DRC1: variants seen among roughly 807,000 people sequenced by gnomAD.
The protein encoded by DRC1 is dynein regulatory complex subunit 1.
DRC1 carries 74 observed loss-of-function variants against 98.7 expected under a neutral mutation model. That is an observed-to-expected ratio of 0.75 (90% CI 0.62 to 0.91). DRC1 has a LOEUF of 0.91. Ranked by LOEUF, DRC1 falls within the 40% of genes least tolerant of loss-of-function variation. DRC1 has a pLI of 0.00. For synonymous variants in DRC1, 336 were observed against 334.1 expected (o/e 1.01, Z -0.06); for missense variants, 875 against 886.0 (o/e 0.99, Z 0.16).
intron 4 of DRC1, among the ~76,000 whole-genome samples, chr2:26,426,607 C>A (rs1663291262): frequency 6.6e-6 from 1 of 151,904 alleles, no homozygotes; most frequent in African/African-American, 2.4e-5. Context: ...CCTCAGGTGA[C>A]CCACCTACCT....
chr2:26,431,577 C>T (rs944659784), intron 6 of DRC1, among the ~76,000 whole-genome samples: 1 of 152,044 alleles, frequency 6.6e-6, no homozygotes, highest in Admixed American at 6.5e-5. Context: ...GAAATATAAA[C>T]ATCTGATTTC....
Position 26,402,064 on chromosome 2 carries a change from C to T in DRC1, c.75C>T (p.Pro25=). ...ACTTGTCCACCCAGATTCTCGCGCC[C>T]TCGGTCCACTCCGACAACTCTCAGG... ...DEHLSTQILA[P]SVHSDNSQER... is the part of the protein sequence containing the mutation. Residue 25 remains proline, a synonymous_variant, in exon 1 of 17, where the codon CCC becomes CCT. Coordinates refer to ENST00000288710, the MANE Select transcript of DRC1 (RefSeq NM_145038.5). The T allele has an allele frequency of 6.2e-7, 1 of 1,613,422 alleles. No homozygotes were observed. The highest frequency in any genetic ancestry group is 8.5e-7 in the Non-Finnish European group (1 of 1,179,834).
chr2:26,417,420 C>A (rs1046642046), intron 2 of DRC1, among the ~76,000 whole-genome samples: 5 of 152,046 alleles, frequency 3.3e-5, no homozygotes, highest in Admixed American at 1.3e-4. Context: ...CCGCCGCCTC[C>A]TGGGTTCAAG....
At chr2:26,448,300 A>G (rs1263865826) in intron 10 of DRC1, 2 of 476,476 alleles carry the variant, frequency 4.2e-6, no homozygotes, top group Non-Finnish European at 8.7e-6. Flanking sequence ...CTTCTGTCTA[A>G]TCTGTTGCAG....
At chr2:26,437,623 T>C (rs1448615343) in intron 7 of DRC1, among the ~76,000 whole-genome samples, 1 of 152,086 alleles carries the variant, frequency 6.6e-6, no homozygotes, top group African/African-American at 2.4e-5. Flanking sequence ...GAATCTACCA[T>C]AAGGAAATAA....
intron 1 of DRC1, among the ~76,000 whole-genome samples, chr2:26,412,457 T>G (rs1436404674): frequency 6.6e-6 from 1 of 152,190 alleles, no homozygotes; most frequent in Non-Finnish European, 1.5e-5. Flanking sequence ...GTAGCCCTTA[T>G]GGACACTGTG....
chr2:26,403,016 G>A (rs1315131056), intron 1 of DRC1, among the ~76,000 whole-genome samples: 1 of 152,144 alleles, frequency 6.6e-6, no homozygotes, highest in African/African-American at 2.4e-5. Context: ...TAAACAAATG[G>A]GCATGACTGT....
chr2:26,413,285 G>A (rs1678680842), intron 1 of DRC1, among the ~76,000 whole-genome samples: 1 of 152,098 alleles, frequency 6.6e-6, no homozygotes, highest in East Asian at 1.9e-4. Context: ...ATGGTCTTAC[G>A]AGTATTGTCA....
intron 2 of DRC1, among the ~76,000 whole-genome samples, chr2:26,414,739 A>G (rs1213541171): frequency 6.6e-6 from 1 of 152,114 alleles, no homozygotes; most frequent in African/African-American, 2.4e-5. Context: ...CTTTCCAAAC[A>G]TATCTCCTGT....
intron 12 of DRC1, 51 bp from the exon 13 acceptor site, chr2:26,450,541 C>T (rs1663974260): frequency 1.9e-6 from 3 of 1,552,144 alleles, no homozygotes; most frequent in Non-Finnish European, 1.8e-6. Flanking sequence ...CTGCCCAAGC[C>T]CGTGGCCTCT....
At position 26,454,142 on chromosome 2, in the gene DRC1, G is replaced by A. The variant is rs1664080020; in HGVS notation, c.1920-505G>A. ...GATCTTTGTCTTTACCCGTTGGTGGGTGGGAGCCAGAAAAGGATTTGAAGC... is the reference window on the plus strand; with the variant it reads ...GATCTTTGTCTTTACCCGTTGGTGGATGGGAGCCAGAAAAGGATTTGAAGC... On this transcript the variant is annotated intron_variant, in intron 14 of 16. Transcript: ENST00000288710. This position sits in a 1 kb window ranked among gnomAD's most constrained non-coding sequence, Gnocchi z 5.2. Among the ~76,000 whole-genome samples the A allele has an allele frequency of 6.6e-6, 1 of 152,184 alleles. No homozygotes were observed. Among genetic ancestry groups the A allele is most frequent in the African/African-American group, 2.4e-5 (1 of 41,428 alleles).
intron 1 of DRC1, among the ~76,000 whole-genome samples, chr2:26,406,575 G>T (rs1357221385): frequency 6.6e-6 from 1 of 152,066 alleles, no homozygotes; most frequent in South Asian, 2.1e-4. Context: ...GCCTGGCTTG[G>T]TGGCACACTC....
intron 10 of DRC1, chr2:26,448,197 C>A (rs2148003267): frequency 5.6e-6 from 2 of 357,186 alleles, no homozygotes; most frequent in African/African-American, 4.4e-5. Flanking sequence ...TGCACTCCAG[C>A]CTGGGTGACA....
At chr2:26,440,570 G>T in intron 8 of DRC1, 53 bp downstream of exon 8, 1 of 1,552,166 alleles carries the variant, frequency 6.4e-7, no homozygotes. Context: ...CTGAGAATAG[G>T]GATGGATATG....
chr2:26,455,921 C>T (rs1664151126), intron 16 of DRC1, among the ~76,000 whole-genome samples: 1 of 98,646 alleles, frequency 1.0e-5, no homozygotes, highest in South Asian at 4.6e-4. Flanking sequence ...AAGGTCGTGA[C>T]GCAGCTGTTA....
At chr2:26,437,954 C>T (rs1235617251) in intron 7 of DRC1, among the ~76,000 whole-genome samples, 3 of 151,134 alleles carry the variant, frequency 2.0e-5, no homozygotes, top group Non-Finnish European at 3.0e-5. Context: ...CTGGGCGTGG[C>T]GGTGGCACAC....
Position 26,431,961 on chromosome 2 carries a change from C to T in DRC1, c.843C>T (p.Cys281=), listed in dbSNP as rs371207623. The change falls in exon 7 of 17, where the codon TGC becomes TGT. Residue 281 remains cysteine, a synonymous_variant. Coordinates refer to ENST00000288710, the MANE Select transcript of DRC1 (RefSeq NM_145038.5). ...KQLNRQRIWD[C]EEYNMIKIKL... is the part of the protein sequence containing the mutation. ...TGAACAGGCAGAGGATCTGGGATTG[C>T]GAAGAATACAACATGATCAAGATCA... 1.9e-5 allele frequency: 31 copies of T among 1,614,116 alleles called. No homozygotes were observed. The highest frequency in any genetic ancestry group is 1.6e-4 in the Middle Eastern group (1 of 6,062).
At chr2:26,435,884 T>C (rs182219599) in intron 7 of DRC1, among the ~76,000 whole-genome samples, 5 of 152,306 alleles carry the variant, frequency 3.3e-5, no homozygotes, top group Admixed American at 2.6e-4. Context: ...GTTGATTCCA[T>C]GTCTTTGCTA....
chr2:26,451,243 C>A (rs1341416656), intron 13 of DRC1, among the ~76,000 whole-genome samples: 2 of 152,118 alleles, frequency 1.3e-5, no homozygotes, highest in Non-Finnish European at 2.9e-5. Flanking sequence ...TCTTTTCCTG[C>A]ACCCTCCCTC....
Sources: gnomAD v4.1 joint callset for allele counts (sites outside exome capture counted in the v4.1 genomes callset) on GRCh38, gnomAD v4.1.1 for gene constraint, Gnocchi (gnomAD v3.1) non-coding constraint, MANE v1.5 for transcripts, NCBI Gene and HGNC (gene_info 2026-07-23, HGNC 2026-07-21) for gene names.